C1QTNF9B: variants seen among roughly 807,000 people sequenced by gnomAD.
C1QTNF9B encodes the protein complement C1q and tumor necrosis factor-related protein 9B.
In C1QTNF9B, 9 loss-of-function variants were observed where a neutral mutation model predicts 10.1. The observed-to-expected ratio is 0.89, with a 90% CI of 0.53 to 1.55. C1QTNF9B has a LOEUF of 1.55. Among genes scored for constraint, C1QTNF9B ranks in the 40% most tolerant of loss-of-function variants. The probability of loss-of-function intolerance (pLI) is 0.00; values close to 1 mark genes in which losing one functional copy is unlikely to be tolerated. For missense variants in C1QTNF9B, 196 were observed against 414.4 expected (o/e 0.47, Z 4.58); for synonymous variants, 79 against 159.9 (o/e 0.49, Z 3.82).
rs1266442005 is a variant in C1QTNF9B at position 23,892,456 on chromosome 13, A to G, written c.230-395T>C. ...GACTACTTGAGTCCAGGAATTCAAG[A>G]TCAGGCTAGGCAACATGGCAAAACC... On this transcript the variant is annotated intron_variant, in intron 2 of 2. Coordinates refer to ENST00000382137, the Ensembl canonical transcript of C1QTNF9B. Among the ~76,000 whole-genome samples the G allele has an allele frequency of 7.9e-5, 12 of 152,260 alleles. No individual in the cohort carries two copies. The South Asian group carries it at 2.5e-3, about 32-fold the overall frequency.
At chr13:23,891,565 C>A in exon 3 of C1QTNF9B, 3 of 1,598,038 alleles carry the variant, frequency 1.9e-6, no homozygotes, top group South Asian at 1.1e-5. Flanking sequence ...CAATGTGGCA[C>A]GTGAATTTCC....
intron 1 of C1QTNF9B, among the ~76,000 whole-genome samples, chr13:23,895,630 G>A (rs1229491046): frequency 6.6e-6 from 1 of 151,980 alleles, no homozygotes; most frequent in Non-Finnish European, 1.5e-5. Context: ...ATATAGAAGT[G>A]TTTGTCTTAG....
At chr13:23,896,444 A>G (rs1476897749) in intron 1 of C1QTNF9B, among the ~76,000 whole-genome samples, 2 of 152,224 alleles carry the variant, frequency 1.3e-5, no homozygotes, top group East Asian at 3.9e-4. Flanking sequence ...TCATGATCAG[A>G]TCTCTCTATT....
At chr13:23,893,708 G>A (rs183055546) in intron 2 of C1QTNF9B, among the ~76,000 whole-genome samples, 4 of 152,278 alleles carry the variant, frequency 2.6e-5, no homozygotes, top group Admixed American at 2.0e-4. Context: ...AGGTTCAAGC[G>A]ATTCTCTTAC....
chr13:23,896,626 A>G (rs1259469843), intron 1 of C1QTNF9B, among the ~76,000 whole-genome samples, 195 bp downstream of exon 3: 2 of 152,154 alleles, frequency 1.3e-5, no homozygotes, highest in Admixed American at 1.3e-4. Flanking sequence ...AGAGTCTGGC[A>G]TGGAGCAGAC....
chr13:23,892,257 G>A (rs796536543), intron 2 of C1QTNF9B, among the ~76,000 whole-genome samples, 196 bp from the exon 5 acceptor site: 10 of 152,138 alleles, frequency 6.6e-5, no homozygotes, highest in African/African-American at 2.4e-4. Flanking sequence ...GGGAGACCGC[G>A]GCAGGAGGAC....
chr13:23,891,383 A>G lies in C1QTNF9B; in HGVS notation c.908T>C (p.Leu303Pro), dbSNP rs562180897. The change falls in exon 3 of 3, where the codon CTG becomes CCG. Residue 303 changes from leucine (L) to proline (P), a missense_variant. Leu to Pro is a moderately conservative substitution (Grantham distance 98). Around this residue, in one of 5 missense-constraint regions of C1QTNF9B, gnomAD observed 72 missense variants for 87.1 expected, o/e 0.83. Coordinates refer to ENST00000382137, the Ensembl canonical transcript of C1QTNF9B. Reference sequence around the variant, plus strand: ...GAACCTCTCTCCTCCTGTCACCTGCAGCCACATCTCATCCCCGAGCTTCAG... The same window carrying G: ...GAACCTCTCTCCTCCTGTCACCTGCGGCCACATCTCATCCCCGAGCTTCAG... 1.7e-5 allele frequency: 27 copies of G among 1,581,408 alleles called. 2 individuals are homozygous for G. The highest frequency in any genetic ancestry group is 2.3e-5 in the Non-Finnish European group (27 of 1,153,752).
At chr13:23,891,562 G>A (rs1202151271) in exon 3 of C1QTNF9B, 10 of 1,604,494 alleles carry the variant, frequency 6.2e-6, no homozygotes, top group South Asian at 1.1e-5. Flanking sequence ...CAGCAATGTG[G>A]CACGTGAATT....
exon 3 of C1QTNF9B, chr13:23,891,496 A>G: frequency 1.2e-6 from 2 of 1,602,432 alleles, no homozygotes; most frequent in Non-Finnish European, 8.5e-7. Flanking sequence ...TTTTGACCAA[A>G]GACACCTGAA....
At chr13:23,894,854 G>A (rs1309011232) in intron 1 of C1QTNF9B, among the ~76,000 whole-genome samples, 1 of 152,208 alleles carries the variant, frequency 6.6e-6, no homozygotes, top group Non-Finnish European at 1.5e-5. Flanking sequence ...CTATCCGTCA[G>A]CGGGTTGAAG....
chr13:23,894,743 A>C (rs1471158598), intron 1 of C1QTNF9B: 1 of 418,296 alleles, frequency 2.4e-6, no homozygotes, highest in Non-Finnish European at 4.8e-6. Context: ...GGGAAATGCT[A>C]CTAATCGAGC....
intron 1 of C1QTNF9B, 192 bp from the exon 4 acceptor site, chr13:23,894,393 A>G (rs1432674892): frequency 3.1e-6 from 2 of 636,506 alleles, no homozygotes; most frequent in East Asian, 2.9e-5. Context: ...GCTGCGTGGG[A>G]TAAGTGACCT....
chr13:23,891,448 C>T lies in C1QTNF9B; in HGVS notation c.843G>A (p.Val281=). 3.2e-6 allele frequency: 5 copies of T among 1,582,010 alleles called. No homozygotes were observed. The East Asian group carries it at 8.9e-5, about 28-fold the overall frequency. The change falls in exon 3 of 3, where the codon GTG becomes GTA. Residue 281 remains valine, a synonymous_variant. Coordinates refer to ENST00000382137, the Ensembl canonical transcript of C1QTNF9B. ...TGCCAGAGGCCTGGTCCTCAGAGCTCACGTAAGCATCTCTGGTGTGCAGTA... is the reference window on the plus strand; with the variant it reads ...TGCCAGAGGCCTGGTCCTCAGAGCTTACGTAAGCATCTCTGGTGTGCAGTA...
chr13:23,894,880 G>A (rs1872144550), intron 1 of C1QTNF9B, among the ~76,000 whole-genome samples: 1 of 152,184 alleles, frequency 6.6e-6, no homozygotes, highest in South Asian at 2.1e-4. Flanking sequence ...TCTGGCTATG[G>A]CAGTAGAGTG....
chr13:23,895,687 T>C (rs569681361), intron 1 of C1QTNF9B, among the ~76,000 whole-genome samples: 1 of 152,184 alleles, frequency 6.6e-6, no homozygotes, highest in Middle Eastern at 3.4e-3. Flanking sequence ...ATGTGTAATA[T>C]TTTATAACAA....
intron 2 of C1QTNF9B, among the ~76,000 whole-genome samples, chr13:23,893,279 A>G (rs1872079762): frequency 6.6e-6 from 1 of 152,124 alleles, no homozygotes; most frequent in South Asian, 2.1e-4. Context: ...CTACGACTAC[A>G]TCCCAACCCA....
chr13:23,891,371 C>T, exon 3 of C1QTNF9B: 2 of 1,580,776 alleles, frequency 1.3e-6, no homozygotes, highest in Non-Finnish European at 1.7e-6. Context: ...CCTCTCTCCT[C>T]CTGTCACCTG....
At chr13:23,895,624 A>T (rs1364827383) in intron 1 of C1QTNF9B, among the ~76,000 whole-genome samples, 1 of 152,234 alleles carries the variant, frequency 6.6e-6, no homozygotes, top group South Asian at 2.1e-4. Flanking sequence ...TATTGAATAT[A>T]GAAGTGTTTG....
chr13:23,892,198 A>T, intron 2 of C1QTNF9B, 137 bp from the exon 5 acceptor site: 1 of 1,408,784 alleles, frequency 7.1e-7, no homozygotes, highest in Non-Finnish European at 9.5e-7. Context: ...TTTAAAATTC[A>T]ATTACTCCAT....
Sources: allele counts gnomAD v4.1 joint callset (sites outside exome capture counted in the v4.1 genomes callset), GRCh38; gene constraint gnomAD v4.1.1; regional missense constraint gnomAD v4.1.1; transcripts MANE v1.5; gene names NCBI Gene and HGNC (gene_info 2026-07-23, HGNC 2026-07-21).